The following UNC5C variants were observed in gnomAD, a reference collection of about 807,000 sequenced individuals.
UNC5C encodes netrin receptor UNC5C.
In UNC5C, 47 loss-of-function variants were observed where a neutral mutation model predicts 99.8. That is an observed-to-expected ratio of 0.47 (90% CI 0.37 to 0.60). UNC5C has a LOEUF of 0.60. Among genes scored for constraint, UNC5C ranks in the 20% least tolerant of loss-of-function variants. The pLI, the probability that UNC5C is intolerant of heterozygous loss-of-function variation, is 0.00. For missense variants in UNC5C, 1,062 were observed against 1,165.9 expected (o/e 0.91, Z 1.30); for synonymous variants, 487 against 452.2 (o/e 1.08, Z -0.98).
intron 2 of UNC5C, among the ~76,000 whole-genome samples, chr4:95,329,489 A>T (rs1320000580): frequency 6.6e-6 from 1 of 152,156 alleles, no homozygotes; most frequent in African/African-American, 2.4e-5. Flanking sequence ...CTTCAAAAAG[A>T]TTGTATCAAT....
chr4:95,340,623 C>T (rs1412602046), intron 1 of UNC5C, among the ~76,000 whole-genome samples: 1 of 152,060 alleles, frequency 6.6e-6, no homozygotes, highest in Non-Finnish European at 1.5e-5. Context: ...ATGTATTGCA[C>T]AACTTGGAAG....
At chr4:95,296,696 A>G (rs1423400791) in intron 3 of UNC5C, among the ~76,000 whole-genome samples, 1 of 152,212 alleles carries the variant, frequency 6.6e-6, no homozygotes, top group Non-Finnish European at 1.5e-5. Context: ...TGTGCTTGCT[A>G]TTAATGAATA....
rs528658816 is a variant in UNC5C, at chr4:95,422,501, C to T, written c.125-86870G>A. 2.0e-5 allele frequency among the ~76,000 whole-genome samples: 3 copies of T among 152,134 alleles called. 1 individual carries two copies. The highest frequency in any genetic ancestry group is 4.1e-4 in the South Asian group (2 of 4,820). On this transcript the variant is annotated intron_variant, in intron 1 of 15. Transcript: ENST00000453304. ...TGAGACATGTTTTTTTCTCTCTATG[C>T]TCTCTTCCCCACCTCCCATACCCGC...
chr4:95,260,858 C>G (rs1024939903), intron 4 of UNC5C, among the ~76,000 whole-genome samples: 5 of 152,136 alleles, frequency 3.3e-5, no homozygotes, highest in South Asian at 2.1e-4. Flanking sequence ...AAACAAGAAG[C>G]TTGTATGGTG....
In UNC5C at chr4:95,246,641, T is replaced by C. The variant is rs367942233; in HGVS notation, c.776-1497A>G. Reference sequence around the variant, plus strand: ...ATGGATACATTATGCATAATGTATATGTATATAATTTTATATAATATGTAT... The same window carrying C: ...ATGGATACATTATGCATAATGTATACGTATATAATTTTATATAATATGTAT... On this transcript the variant is annotated intron_variant, in intron 5 of 15. Coordinates refer to ENST00000453304, the MANE Select transcript of UNC5C (RefSeq NM_003728.4). Among the ~76,000 whole-genome samples, 19 of 151,902 alleles carry C rather than the reference T, an allele frequency of 1.3e-4. No homozygotes were observed. The East Asian group carries it at 2.3e-3, about 19-fold the overall frequency.
chr4:95,480,142 ACTGT>A (rs976082926), intron 1 of UNC5C, among the ~76,000 whole-genome samples: 48 of 151,594 alleles, frequency 3.2e-4, no homozygotes, highest in African/African-American at 1.1e-3. Context: ...AGTCTCTATA[ACTGT>A]CTGAGCCAAT....
At chr4:95,526,339 A>T (rs1448966155) in intron 1 of UNC5C, among the ~76,000 whole-genome samples, 1 of 152,092 alleles carries the variant, frequency 6.6e-6, no homozygotes, top group Non-Finnish European at 1.5e-5. Context: ...CCTACCTCTG[A>T]GTCACTATAA....
At chr4:95,256,697 TAA>T (rs201392605) in intron 4 of UNC5C, among the ~76,000 whole-genome samples, 2,833 of 119,944 alleles carry the variant, frequency 0.024, 90 homozygotes, top group African/African-American at 0.088. Context: ...CAGAACTAAA[TAA>T]ATATATATAT....
chr4:95,509,728 TTATTA>T (rs1368220634), intron 1 of UNC5C, among the ~76,000 whole-genome samples: 1 of 151,904 alleles, frequency 6.6e-6, no homozygotes, highest in Non-Finnish European at 1.5e-5. Flanking sequence ...TCTCAGTATA[TTATTA>T]TATTTGATGT....
intron 1 of UNC5C, among the ~76,000 whole-genome samples, chr4:95,477,321 T>C (rs1377228813): frequency 2.0e-5 from 3 of 152,002 alleles, no homozygotes; most frequent in African/African-American, 7.2e-5. Flanking sequence ...GATCACAAAA[T>C]GGATCAGAGG....
intron 1 of UNC5C, among the ~76,000 whole-genome samples, chr4:95,509,895 C>T (rs1307852782): frequency 6.6e-6 from 1 of 151,662 alleles, no homozygotes; most frequent in Non-Finnish European, 1.5e-5. Flanking sequence ...TAGAACATTC[C>T]AAAAGAAGAG....
chr4:95,530,211 G>C (rs1446952506), intron 1 of UNC5C, among the ~76,000 whole-genome samples: 1 of 152,144 alleles, frequency 6.6e-6, no homozygotes, highest in Non-Finnish European at 1.5e-5. Flanking sequence ...GGGAGCTGAA[G>C]GCATTTCTGG....
In UNC5C at chr4:95,483,385, TAATAG is replaced by T. The variant is rs1721228348; in HGVS notation, c.124+65344_124+65348del. ...ATTTTGTAAATATTCACCCCTTTAC[TAATAG>T]AAATGTGTACATATATAATAACGTG... On this transcript the variant is annotated intron_variant, in intron 1 of 15. Coordinates refer to ENST00000453304, the MANE Select transcript of UNC5C (RefSeq NM_003728.4). Among the ~76,000 whole-genome samples, 4 of 151,884 alleles carry T rather than the reference TAATAG, an allele frequency of 2.6e-5. No homozygotes were observed. The South Asian group carries it at 8.3e-4, about 31-fold the overall frequency.
At position 95,167,404 on chromosome 4, in the gene UNC5C, T is replaced by G. The variant is rs529950848; in HGVS notation, c.*1830A>C. ...AAGTAGTGTGTTGACTAACAAACATTTTGCAGGACAAAAGTTTTTAAAGAG... is the reference window on the plus strand; with the variant it reads ...AAGTAGTGTGTTGACTAACAAACATGTTGCAGGACAAAAGTTTTTAAAGAG... On this transcript the variant is annotated 3_prime_UTR_variant, in exon 16 of 16. Coordinates refer to ENST00000453304, the MANE Select transcript of UNC5C (RefSeq NM_003728.4). The G allele has an allele frequency of 6.6e-6, 1 of 151,582 alleles. No individual in the cohort carries two copies. The highest frequency in any genetic ancestry group is 2.1e-4 in the South Asian group (1 of 4,828). The allele number at this position is 151,582 out of a possible 1,614,324, so 9.4% of individuals were successfully genotyped here.
At chr4:95,548,571 T>A (rs1316578489) in intron 1 of UNC5C, among the ~76,000 whole-genome samples, 163 bp downstream of exon 1, 2 of 151,884 alleles carry the variant, frequency 1.3e-5, no homozygotes, top group South Asian at 2.1e-4. Context: ...ATTATTATTA[T>A]AATCAAAGCT....
intron 14 of UNC5C, among the ~76,000 whole-genome samples, chr4:95,175,806 G>T (rs1736317683): frequency 6.6e-6 from 1 of 152,000 alleles, no homozygotes; most frequent in Non-Finnish European, 1.5e-5. Flanking sequence ...GCTAGACTGG[G>T]GAAGTTCTCC....
intron 1 of UNC5C, among the ~76,000 whole-genome samples, chr4:95,478,025 C>T (rs1720996311): frequency 6.6e-6 from 1 of 151,870 alleles, no homozygotes; most frequent in South Asian, 2.1e-4. Flanking sequence ...AAGTACTCAA[C>T]AAAATGTTAT....
At chr4:95,530,057 C>T (rs1722603114) in intron 1 of UNC5C, among the ~76,000 whole-genome samples, 1 of 152,132 alleles carries the variant, frequency 6.6e-6, no homozygotes. Flanking sequence ...TGTAATGCAT[C>T]AAGTGTGACT....
At chr4:95,171,871 C>G (rs927484897) in intron 14 of UNC5C, among the ~76,000 whole-genome samples, 3 of 152,018 alleles carry the variant, frequency 2.0e-5, no homozygotes, top group Non-Finnish European at 4.4e-5. Context: ...TAAAAGTGTT[C>G]CTGTTTCTCC....
Sources: allele counts gnomAD v4.1 joint callset (sites outside exome capture counted in the v4.1 genomes callset), GRCh38; gene constraint gnomAD v4.1.1; transcripts MANE v1.5; gene names NCBI Gene and HGNC (gene_info 2026-07-23, HGNC 2026-07-21).